Variants in ARHGEF7 observed in about 807,000 individuals in gnomAD.
ARHGEF7 encodes Rho guanine nucleotide exchange factor 7, also known as PAK-interacting exchange factor beta.
In ARHGEF7, 33 loss-of-function variants were observed where a neutral mutation model predicts 109.8. The observed-to-expected ratio is 0.30, with a 90% CI of 0.23 to 0.40. The LOEUF is 0.40. Among genes scored for constraint, ARHGEF7 ranks in the 10% least tolerant of loss-of-function variants. ARHGEF7 has a pLI of 1.00. For missense variants in ARHGEF7, 938 were observed against 1,098.5 expected (o/e 0.85, Z 2.07); for synonymous variants, 458 against 424.6 (o/e 1.08, Z -0.97).
Position 111,154,009 on chromosome 13 carries a change from C to G in ARHGEF7, c.252+18C>G, listed in dbSNP as rs750583070. On this transcript the variant is annotated intron_variant, in intron 2 of 21. Transcript: ENST00000646102. ...GGCTGGAGGTGAGCGCGGGCGGCCACGGGCCGAGGGAGGGGCCGGGAAGAC... is the reference window on the plus strand; with the variant it reads ...GGCTGGAGGTGAGCGCGGGCGGCCAGGGGCCGAGGGAGGGGCCGGGAAGAC... 1.9e-6 allele frequency: 3 copies of G among 1,592,060 alleles called. No individual in the cohort carries two copies. The highest frequency in any genetic ancestry group is 2.3e-5 in the East Asian group (1 of 42,844).
At position 111,258,071 on chromosome 13, in the gene ARHGEF7, C is replaced by T. The variant is rs1376188518; in HGVS notation, c.951-9477C>T. Among the ~76,000 whole-genome samples, 1 of 152,230 alleles carries T rather than the reference C, an allele frequency of 6.6e-6. No individual in the cohort carries two copies. The highest frequency in any genetic ancestry group is 1.5e-5 in the Non-Finnish European group (1 of 68,024). ...CCAGTGGCCTTGGGGGGCCTGCAAC[C>T]TAGTGAGACCTCAGCCGGGGCAGCC... On this transcript the variant is annotated intron_variant, in intron 8 of 21. Transcript: ENST00000646102. This position sits in a 1 kb window ranked among gnomAD's most constrained non-coding sequence, Gnocchi z 4.4.
At chr13:111,260,292 C>T (rs143171010) in intron 8 of ARHGEF7, among the ~76,000 whole-genome samples, 134 of 152,212 alleles carry the variant, frequency 8.8e-4, no homozygotes, top group African/African-American at 2.9e-3. Flanking sequence ...AGATTTAACC[C>T]GTAGAAGACT....
intron 4 of ARHGEF7, among the ~76,000 whole-genome samples, chr13:111,212,142 G>A (rs971032104): frequency 6.6e-6 from 1 of 152,094 alleles, no homozygotes; most frequent in Admixed American, 6.5e-5. Flanking sequence ...CCCCTGCCTC[G>A]GGACAGATTT....
At chr13:111,265,819 T>C (rs1007341846) in intron 8 of ARHGEF7, 1 of 440,206 alleles carries the variant, frequency 2.3e-6, no homozygotes, top group Non-Finnish European at 4.6e-6. Context: ...GCTGTGAGGA[T>C]GCAATAGGGG....
At chr13:111,240,871 A>G (rs925289438) in intron 6 of ARHGEF7, among the ~76,000 whole-genome samples, 1 of 152,182 alleles carries the variant, frequency 6.6e-6, no homozygotes, top group Non-Finnish European at 1.5e-5. Flanking sequence ...TTGTTCTCTT[A>G]TGTAAATCAG....
intron 18 of ARHGEF7, among the ~76,000 whole-genome samples, chr13:111,288,860 T>C (rs1293635582): frequency 6.6e-6 from 1 of 152,204 alleles, no homozygotes; most frequent in African/African-American, 2.4e-5. Context: ...CTTAGAAATA[T>C]CCAAAATACA....
intron 15 of ARHGEF7, 123 bp downstream of exon 15, chr13:111,280,800 T>C (rs184532394): frequency 1.9e-4 from 208 of 1,119,880 alleles, no homozygotes; most frequent in Admixed American, 7.8e-4. Flanking sequence ...GCAAAACACT[T>C]GCTTCACATT....
At chr13:111,146,733 T>C (rs1240754684) in intron 1 of ARHGEF7, among the ~76,000 whole-genome samples, 1 of 152,216 alleles carries the variant, frequency 6.6e-6, no homozygotes, top group African/African-American at 2.4e-5. Context: ...GTCGGCTCTC[T>C]GCTTTGGTTG....
chr13:111,208,043 G>A (rs1017091062), intron 3 of ARHGEF7, among the ~76,000 whole-genome samples: 17 of 152,136 alleles, frequency 1.1e-4, no homozygotes, highest in Non-Finnish European at 2.1e-4. Context: ...GGCAATACCC[G>A]TACGTTTTCT....
chr13:111,260,444 G>C (rs1370738509), intron 8 of ARHGEF7, among the ~76,000 whole-genome samples: 3 of 152,240 alleles, frequency 2.0e-5, no homozygotes, highest in Non-Finnish European at 4.4e-5. Flanking sequence ...TCCAGGCCAG[G>C]AGACTGTGGG....
chr13:111,289,736 C>T (rs1046885196), intron 18 of ARHGEF7, among the ~76,000 whole-genome samples: 4 of 150,956 alleles, frequency 2.6e-5, no homozygotes, highest in Admixed American at 6.6e-5. Context: ...ACGGCTGCAG[C>T]TGTGAAGATA....
At chr13:111,296,563 A>G (rs1191479298) in intron 19 of ARHGEF7, among the ~76,000 whole-genome samples, 2 of 152,220 alleles carry the variant, frequency 1.3e-5, no homozygotes, top group South Asian at 2.1e-4. Context: ...TCTTACTCCC[A>G]CCTCCATACG....
intron 2 of ARHGEF7, among the ~76,000 whole-genome samples, chr13:111,179,790 C>G (rs1018654239): frequency 6.6e-6 from 1 of 152,178 alleles, no homozygotes; most frequent in South Asian, 2.1e-4. Context: ...GCATGCCCTA[C>G]AGTCTGGACA....
intron 2 of ARHGEF7, among the ~76,000 whole-genome samples, chr13:111,186,005 T>TGTGTGTGTGTGTG (rs1566745669): frequency 3.4e-5 from 5 of 148,658 alleles, no homozygotes; most frequent in Non-Finnish European, 4.5e-5. Context: ...TGTGTGTGTG[T>TGTGTGTGTGTGTG]TTTCGTTTTC....
At chr13:111,167,193 A>ATGACCAC (rs2077198452) in intron 2 of ARHGEF7, among the ~76,000 whole-genome samples, 1 of 152,158 alleles carries the variant, frequency 6.6e-6, no homozygotes, top group South Asian at 2.1e-4. Context: ...ATGCAAAAAT[A>ATGACCAC]GGTTTGTGGT....
At chr13:111,170,388 G>A (rs186768680) in intron 2 of ARHGEF7, among the ~76,000 whole-genome samples, 2 of 152,352 alleles carry the variant, frequency 1.3e-5, no homozygotes, top group South Asian at 2.1e-4. Context: ...GTGAGCCACC[G>A]TGCCTGGCGC....
At chr13:111,141,418 T>C (rs868423201) in intron 1 of ARHGEF7, among the ~76,000 whole-genome samples, 1 of 151,824 alleles carries the variant, frequency 6.6e-6, no homozygotes, top group East Asian at 1.9e-4. Flanking sequence ...AGGCTACAGA[T>C]GAAGAGACAT....
At chr13:111,294,627 G>T in intron 19 of ARHGEF7, 2 of 985,440 alleles carry the variant, frequency 2.0e-6, no homozygotes, top group Non-Finnish European at 2.4e-6. Context: ...ATCTGGTTAA[G>T]AAGTATTAGT....
chr13:111,157,154 A>G (rs2076399400), intron 2 of ARHGEF7, among the ~76,000 whole-genome samples: 1 of 152,220 alleles, frequency 6.6e-6, no homozygotes, highest in African/African-American at 2.4e-5. Context: ...ATTTATTGGT[A>G]AACTTTGAGA....
Sources: allele counts gnomAD v4.1 joint callset (sites outside exome capture counted in the v4.1 genomes callset), GRCh38; gene constraint gnomAD v4.1.1; non-coding constraint Gnocchi (gnomAD v3.1); transcripts MANE v1.5; gene names NCBI Gene and HGNC (gene_info 2026-07-23, HGNC 2026-07-21).